SYNE2: variants seen among roughly 807,000 people sequenced by gnomAD.
SYNE2 encodes nesprin-2.
SYNE2 carries 431 observed loss-of-function variants against 856.3 expected under a neutral mutation model. The ratio of observed to expected loss-of-function variants is 0.50; its 90% CI spans 0.47 to 0.55. The LOEUF (loss-of-function observed/expected upper bound fraction) is 0.55, where lower values mean the gene tolerates loss of function less well. SYNE2 is among the 20% of genes least tolerant of loss of function. The probability of loss-of-function intolerance (pLI) is 0.00; values close to 1 mark genes in which losing one functional copy is unlikely to be tolerated. For missense variants in SYNE2, 8,129 were observed against 8,023.2 expected (o/e 1.01, Z -0.50); for synonymous variants, 2,923 against 2,872.3 (o/e 1.02, Z -0.56).
At chr14:63,983,300 A>G (rs2096600622) in intron 17 of SYNE2, among the ~76,000 whole-genome samples, 1 of 152,212 alleles carries the variant, frequency 6.6e-6, no homozygotes, top group Admixed American at 6.6e-5. Context: ...ATATGGACAC[A>G]TGTTTTCTTT....
intron 45 of SYNE2, among the ~76,000 whole-genome samples, chr14:64,043,049 T>C (rs2097160431): frequency 6.6e-6 from 1 of 152,160 alleles, no homozygotes; most frequent in Admixed American, 6.5e-5. Context: ...TAGTTTCAGA[T>C]GGAGATGAGG....
chr14:64,118,176 C>T (rs1012107097), intron 66 of SYNE2, among the ~76,000 whole-genome samples: 2 of 151,976 alleles, frequency 1.3e-5, no homozygotes, highest in Non-Finnish European at 1.5e-5. Flanking sequence ...TTCTTAGTCA[C>T]GCACCGAGTT....
intron 1 of SYNE2, among the ~76,000 whole-genome samples, chr14:63,830,930 T>G (rs949587664): frequency 7.0e-6 from 1 of 143,492 alleles, no homozygotes; most frequent in Non-Finnish European, 1.5e-5. Flanking sequence ...AACCTCCACC[T>G]TCCGGGTTCA....
intron 64 of SYNE2, among the ~76,000 whole-genome samples, chr14:64,107,093 A>G (rs920105514): frequency 6.6e-6 from 1 of 152,164 alleles, no homozygotes; most frequent in African/African-American, 2.4e-5. Context: ...GAGCACAAGC[A>G]ATTCTTCTGC....
chr14:64,218,320 T>G, intron 108 of SYNE2, 78 bp from the exon 109 acceptor site: 2 of 1,302,084 alleles, frequency 1.5e-6, no homozygotes. Context: ...TCTTCACTGT[T>G]AATATGAAAT....
intron 85 of SYNE2, 47 bp downstream of exon 85, chr14:64,152,763 T>C: frequency 6.2e-7 from 1 of 1,611,086 alleles, no homozygotes; most frequent in Non-Finnish European, 8.5e-7. Flanking sequence ...ACATATTCTT[T>C]TACCTTATTT....
At chr14:63,765,798 T>C (rs539233269) in intron 1 of SYNE2, among the ~76,000 whole-genome samples, 7 of 144,318 alleles carry the variant, frequency 4.9e-5, no homozygotes, top group Admixed American at 2.1e-4. Context: ...CTGCGAAACA[T>C]TAAGTTTCAT....
At position 64,000,549 on chromosome 14, in the gene SYNE2, G is replaced by T. The variant is rs1446313549; in HGVS notation, c.3481-13G>T. On this transcript the variant is annotated splice_polypyrimidine_tract_variant and intron_variant, in intron 27 of 115. Coordinates refer to ENST00000555002, the MANE Select transcript of SYNE2 (RefSeq NM_182914.3). ...CCCATTAGTTGATAAATTAATTTATGTGTTCCATCTAGGTCATAAAAAATG... is the reference window on the plus strand; with the variant it reads ...CCCATTAGTTGATAAATTAATTTATTTGTTCCATCTAGGTCATAAAAAATG... The T allele has an allele frequency of 6.2e-7, 1 of 1,609,790 alleles. No individual in the cohort carries two copies. Among genetic ancestry groups the T allele is most frequent in the Non-Finnish European group, 8.5e-7 (1 of 1,176,586 alleles).
chr14:64,064,758 T>C (rs1340070149), intron 50 of SYNE2, among the ~76,000 whole-genome samples: 1 of 152,038 alleles, frequency 6.6e-6, no homozygotes, highest in East Asian at 1.9e-4. Flanking sequence ...CTTGCTATGT[T>C]GCCTTGCTAT....
chr14:64,000,410 C>T, intron 27 of SYNE2, 152 bp from the exon 28 acceptor site: 2 of 688,628 alleles, frequency 2.9e-6, no homozygotes, highest in Non-Finnish European at 5.0e-6. Flanking sequence ...GGATAGTTCA[C>T]TTGTAGGTGG....
At chr14:64,137,361 C>T (rs770966098) in intron 78 of SYNE2, among the ~76,000 whole-genome samples, 3 of 151,968 alleles carry the variant, frequency 2.0e-5, no homozygotes, top group South Asian at 2.1e-4. Flanking sequence ...CACCAAGTCC[C>T]GCCTCAGCCT....
At chr14:64,101,247 A>AT (rs1401890309) in intron 63 of SYNE2, among the ~76,000 whole-genome samples, 1 of 152,094 alleles carries the variant, frequency 6.6e-6, no homozygotes, top group African/African-American at 2.4e-5. Context: ...CACCGACAGT[A>AT]TTCAGGGGTT....
chr14:63,970,681 T>C (rs1428351144), intron 11 of SYNE2, among the ~76,000 whole-genome samples: 1 of 144,706 alleles, frequency 6.9e-6, no homozygotes, highest in Non-Finnish European at 1.5e-5. Flanking sequence ...TGAGATATAG[T>C]CTCTCTCTGT....
chr14:64,107,657 C>A, intron 65 of SYNE2, 50 bp downstream of exon 65: 1 of 1,403,782 alleles, frequency 7.1e-7, no homozygotes, highest in Non-Finnish European at 1.0e-6. Flanking sequence ...TGGACTAGCA[C>A]CTAGAGATGA....
chr14:64,211,196 C>G lies in SYNE2; in HGVS notation c.18724-765C>G, dbSNP rs374944796. On this transcript the variant is annotated intron_variant, in intron 103 of 115. Transcript: ENST00000555002. Reference sequence around the variant, plus strand: ...GTCTCACTATGTTGCCCAGGCTGGTCTCAAACTCCTGGCCTCAAGTAATCT... The same window carrying G: ...GTCTCACTATGTTGCCCAGGCTGGTGTCAAACTCCTGGCCTCAAGTAATCT... 3.3e-5 allele frequency among the ~76,000 whole-genome samples: 5 copies of G among 152,316 alleles called. No individual in the cohort carries two copies. The East Asian group carries it at 9.6e-4, about 29-fold the overall frequency.
chr14:64,079,179 G>T (rs2097497947), intron 55 of SYNE2, among the ~76,000 whole-genome samples: 1 of 152,122 alleles, frequency 6.6e-6, no homozygotes, highest in Non-Finnish European at 1.5e-5. Flanking sequence ...ATCTTATCTT[G>T]GGGATACTGA....
Position 64,158,605 on chromosome 14 carries a change from C to T in SYNE2, c.15793-20C>T, listed in dbSNP as rs200649243. 8 of 1,613,190 alleles carry T rather than the reference C, an allele frequency of 5.0e-6. No homozygotes were observed. In the East Asian group the frequency reaches 8.9e-5, roughly 18 times the overall value. ...TTCTCAGTGATTTTCTAAATCAGTA[C>T]GTTTCCACTTTTTGTCTAGGTCAAT... On this transcript the variant is annotated intron_variant, in intron 85 of 115. Transcript: ENST00000555002.
intron 58 of SYNE2, among the ~76,000 whole-genome samples, chr14:64,088,683 GGTT>G (rs2097582249): frequency 6.6e-6 from 1 of 152,162 alleles, no homozygotes; most frequent in Admixed American, 6.5e-5. Flanking sequence ...TTTATTGAGG[GGTT>G]GTTATTTGCC....
intron 6 of SYNE2, among the ~76,000 whole-genome samples, chr14:63,945,747 C>T (rs930427597): frequency 6.6e-6 from 1 of 152,154 alleles, no homozygotes; most frequent in Non-Finnish European, 1.5e-5. Flanking sequence ...ACCTCAGCCT[C>T]CTGAGTAGCT....
Sources: allele counts gnomAD v4.1 joint callset (sites outside exome capture counted in the v4.1 genomes callset), GRCh38; gene constraint gnomAD v4.1.1; transcripts MANE v1.5; gene names NCBI Gene and HGNC (gene_info 2026-07-23, HGNC 2026-07-21).